Variants in RNGTT observed in about 807,000 individuals in gnomAD.
The protein encoded by RNGTT is RNA guanylyltransferase and 5'-phosphatase.
In RNGTT, 33 loss-of-function variants were observed where a neutral mutation model predicts 79.3. That is an observed-to-expected ratio of 0.42 (90% CI 0.32 to 0.56). The LOEUF is 0.56. Among genes scored for constraint, RNGTT ranks in the 20% least tolerant of loss-of-function variants. The pLI is 0.17. For synonymous variants in RNGTT, 222 were observed against 235.9 expected (o/e 0.94, Z 0.54); for missense variants, 497 against 739.1 (o/e 0.67, Z 3.80).
chr6:88,951,471 A>G (rs992719854), intron 1 of RNGTT, among the ~76,000 whole-genome samples: 1 of 152,208 alleles, frequency 6.6e-6, no homozygotes, highest in Non-Finnish European at 1.5e-5. Context: ...ATGAAGAGTC[A>G]ATCTATGTAG....
intron 8 of RNGTT, among the ~76,000 whole-genome samples, chr6:88,888,017 T>C (rs1197331219): frequency 6.6e-6 from 1 of 152,078 alleles, no homozygotes; most frequent in Non-Finnish European, 1.5e-5. Context: ...CTCTGGAGGC[T>C]GAGGTGGGAG....
chr6:88,851,241 G>A (rs1239566019), intron 9 of RNGTT, among the ~76,000 whole-genome samples: 3 of 149,664 alleles, frequency 2.0e-5, no homozygotes, highest in Non-Finnish European at 4.4e-5. Context: ...TCAGATTGAA[G>A]AGGAATAACA....
At chr6:88,856,375 A>G (rs1781844978) in intron 8 of RNGTT, among the ~76,000 whole-genome samples, 1 of 152,108 alleles carries the variant, frequency 6.6e-6, no homozygotes. Flanking sequence ...TTTAATGTTT[A>G]AACACAATAG....
intron 13 of RNGTT, among the ~76,000 whole-genome samples, chr6:88,684,563 A>G (rs1775205389): frequency 6.6e-6 from 1 of 152,222 alleles, no homozygotes; most frequent in Non-Finnish European, 1.5e-5. Context: ...TAAATGAGCT[A>G]TCAAGCCACG....
intron 8 of RNGTT, among the ~76,000 whole-genome samples, chr6:88,873,755 CA>C (rs1437347700): frequency 6.6e-6 from 1 of 152,056 alleles, no homozygotes; most frequent in East Asian, 1.9e-4. Flanking sequence ...AAGACATTAT[CA>C]TTTTTTCATT....
intron 12 of RNGTT, among the ~76,000 whole-genome samples, chr6:88,775,540 T>C (rs984967874): frequency 2.6e-5 from 4 of 152,234 alleles, no homozygotes; most frequent in Admixed American, 6.5e-5. Flanking sequence ...AATTTTTTTA[T>C]ATTTCTAACC....
At chr6:88,779,382 T>C (rs750560139) in intron 12 of RNGTT, among the ~76,000 whole-genome samples, 3 of 152,178 alleles carry the variant, frequency 2.0e-5, no homozygotes, top group African/African-American at 7.2e-5. Context: ...TCTAGAAAAG[T>C]TGAATGATGG....
intron 8 of RNGTT, among the ~76,000 whole-genome samples, chr6:88,869,001 T>C (rs951789045): frequency 6.6e-6 from 1 of 152,202 alleles, no homozygotes; most frequent in Non-Finnish European, 1.5e-5. Context: ...ACTATAAAGA[T>C]CACCCATTAT....
chr6:88,622,636 C>A (rs921720466), intron 14 of RNGTT, among the ~76,000 whole-genome samples: 1 of 152,128 alleles, frequency 6.6e-6, no homozygotes, highest in African/African-American at 2.4e-5. Flanking sequence ...CTAACTACTT[C>A]TCTTTTAAAG....
At chr6:88,704,104 A>C (rs1776038304) in intron 13 of RNGTT, among the ~76,000 whole-genome samples, 1 of 151,634 alleles carries the variant, frequency 6.6e-6, no homozygotes, top group Non-Finnish European at 1.5e-5. Flanking sequence ...CTAAAAATAC[A>C]AAAAAATTAG....
At chr6:88,744,791 T>G (rs1777610204) in intron 13 of RNGTT, among the ~76,000 whole-genome samples, 1 of 152,144 alleles carries the variant, frequency 6.6e-6, no homozygotes, top group African/African-American at 2.4e-5. Flanking sequence ...AATCTCAGGA[T>G]TATAATCATC....
At chr6:88,826,340 A>C (rs949739455) in intron 11 of RNGTT, among the ~76,000 whole-genome samples, 1 of 152,206 alleles carries the variant, frequency 6.6e-6, no homozygotes, top group Admixed American at 6.5e-5. Flanking sequence ...CTTCACACTC[A>C]TGCCTTAGAG....
At chr6:88,880,653 T>C (rs1024554292) in intron 8 of RNGTT, among the ~76,000 whole-genome samples, 1 of 152,204 alleles carries the variant, frequency 6.6e-6, no homozygotes, top group Non-Finnish European at 1.5e-5. Flanking sequence ...TTTACTTTAC[T>C]ATTTGTTTTA....
chr6:88,913,744 C>A (rs1055461275), intron 4 of RNGTT, among the ~76,000 whole-genome samples: 3 of 152,084 alleles, frequency 2.0e-5, no homozygotes, highest in African/African-American at 7.2e-5. Flanking sequence ...AACCCACAGC[C>A]AACATAATAC....
intron 12 of RNGTT, among the ~76,000 whole-genome samples, chr6:88,779,064 A>C (rs1778979820): frequency 6.7e-6 from 1 of 148,208 alleles, no homozygotes; most frequent in Admixed American, 6.7e-5. Context: ...GATAAAATAT[A>C]GTCATTTTCC....
chr6:88,841,154 T>C (rs1157683038), intron 11 of RNGTT, among the ~76,000 whole-genome samples: 2 of 152,098 alleles, frequency 1.3e-5, no homozygotes, highest in African/African-American at 4.8e-5. Context: ...CAGGGCACAG[T>C]AGTACACAGG....
rs538094206 is a variant in RNGTT, at chr6:88,930,480, A to G, written c.175-1213T>C. ...AAAAACCATGTGTTTGGGGGGAAAAAGATTAAAAAATTAAATAAATTTTCC... is the reference window on the plus strand; with the variant it reads ...AAAAACCATGTGTTTGGGGGGAAAAGGATTAAAAAATTAAATAAATTTTCC... On this transcript the variant is annotated intron_variant, in intron 2 of 15. Transcript: ENST00000369485. Among the ~76,000 whole-genome samples the G allele has an allele frequency of 4.6e-5, 7 of 152,016 alleles. No homozygotes were observed. In the South Asian group the frequency reaches 1.5e-3, roughly 32 times the overall value.
chr6:88,911,975 G>A (rs1161011228), intron 4 of RNGTT, among the ~76,000 whole-genome samples: 2 of 151,892 alleles, frequency 1.3e-5, no homozygotes, highest in African/African-American at 2.4e-5. Context: ...CAGCTACTTG[G>A]GGAGTGCTGA....
At chr6:88,916,762 A>T (rs986305491) in intron 4 of RNGTT, among the ~76,000 whole-genome samples, 3 of 152,144 alleles carry the variant, frequency 2.0e-5, no homozygotes, top group African/African-American at 7.2e-5. Context: ...TTCCAAAAAA[A>T]TTTTTTACTA....
Sources: allele counts gnomAD v4.1 joint callset (sites outside exome capture counted in the v4.1 genomes callset), GRCh38; gene constraint gnomAD v4.1.1; transcripts MANE v1.5; gene names NCBI Gene and HGNC (gene_info 2026-07-23, HGNC 2026-07-21).